UBE2O: variants seen among roughly 807,000 people sequenced by gnomAD.
UBE2O encodes ubiquitin conjugating enzyme E2 O.
UBE2O carries 15 observed loss-of-function variants against 125.8 expected under a neutral mutation model. That is an observed-to-expected ratio of 0.12 (90% CI 0.08 to 0.18). The LOEUF (loss-of-function observed/expected upper bound fraction) is 0.18, where lower values mean the gene tolerates loss of function less well. Among genes scored for constraint, UBE2O ranks in the 10% least tolerant of loss-of-function variants. The pLI is 1.00. For synonymous variants in UBE2O, 708 were observed against 703.2 expected, an observed-to-expected ratio of 1.01 and a Z score of -0.11; for missense variants, 1,280 against 1,723.6, an observed-to-expected ratio of 0.74 and a Z score of 4.56.
At position 76,452,445 on chromosome 17, in the gene UBE2O, T is replaced by C. The variant is rs1297821775; in HGVS notation, c.417+280A>G. On this transcript the variant is annotated intron_variant, in intron 1 of 17. Transcript: ENST00000319380. The surrounding 1 kb of genome is among the most constrained non-coding windows in gnomAD (Gnocchi z 4.4). ...ACGGGAGTCGGTCCACGTCTCTAAA[T>C]CTCGAGGCCGACACCACAGCATAAC... Among the ~76,000 whole-genome samples the C allele has an allele frequency of 6.6e-6, 1 of 151,970 alleles. No homozygotes were observed. Among genetic ancestry groups the C allele is most frequent in the East Asian group, 1.9e-4 (1 of 5,168 alleles).
At chr17:76,418,641 C>T (rs2072655454) in intron 1 of UBE2O, among the ~76,000 whole-genome samples, 1 of 151,144 alleles carries the variant, frequency 6.6e-6, no homozygotes, top group African/African-American at 2.4e-5. Context: ...GCGATCTCGG[C>T]TCACTGCAAG....
At chr17:76,445,243 A>G (rs866357979) in intron 1 of UBE2O, among the ~76,000 whole-genome samples, 3 of 151,092 alleles carry the variant, frequency 2.0e-5, no homozygotes, top group African/African-American at 7.3e-5. Flanking sequence ...TTTTCCAAGC[A>G]TGACTCAGTG....
At position 76,405,590 on chromosome 17, in the gene UBE2O, G is replaced by A. The variant is rs761502532; in HGVS notation, c.418-18C>T. 1.3e-6 allele frequency: 2 copies of A among 1,579,908 alleles called. No homozygotes were observed. Among genetic ancestry groups the A allele is most frequent in the South Asian group, 2.3e-5 (2 of 86,066 alleles). On this transcript the variant is annotated intron_variant, in intron 1 of 17. Coordinates refer to ENST00000319380, the MANE Select transcript of UBE2O (RefSeq NM_022066.4). The surrounding 1 kb of genome is among the most constrained non-coding windows in gnomAD (Gnocchi z 6.1). Reference sequence around the variant, plus strand: ...AGTTTCAGCTGTAAAAGAAAATACAGGTGTGAGAGAATGGACTCTGAAGCC... The same window carrying A: ...AGTTTCAGCTGTAAAAGAAAATACAAGTGTGAGAGAATGGACTCTGAAGCC...
At chr17:76,429,044 G>A (rs889147604) in intron 1 of UBE2O, among the ~76,000 whole-genome samples, 2 of 151,744 alleles carry the variant, frequency 1.3e-5, no homozygotes, top group African/African-American at 2.4e-5. Flanking sequence ...TGGGATTACG[G>A]GCGCATGCCA....
chr17:76,405,162 C>G lies in UBE2O; in HGVS notation c.588+44G>C. 1 of 1,465,118 alleles carries G rather than the reference C, an allele frequency of 6.8e-7. No homozygotes were observed. Among genetic ancestry groups the G allele is most frequent in the Non-Finnish European group, 9.4e-7 (1 of 1,063,050 alleles). The allele number at this position is 1,465,118 out of a possible 1,614,324, so 90.8% of individuals were successfully genotyped here. A position where few individuals can be genotyped will look rare whatever the true frequency, so the allele number is the denominator to read the frequency against. ...CCCAGAGGTCGTGCCGCCGAGAGAA[C>G]CAGAGGGCCCAGAAAGGATGATGAG... On this transcript the variant is annotated intron_variant, in intron 3 of 17. Transcript: ENST00000319380. The surrounding 1 kb of genome is among the most constrained non-coding windows in gnomAD (Gnocchi z 6.1).
intron 1 of UBE2O, among the ~76,000 whole-genome samples, chr17:76,419,719 G>A (rs1411420174): frequency 6.6e-6 from 1 of 152,224 alleles, no homozygotes; most frequent in African/African-American, 2.4e-5. Context: ...CCGCCAGCAC[G>A]CATCCTTGGG....
chr17:76,439,413 A>ACCC (rs1273954825), intron 1 of UBE2O, among the ~76,000 whole-genome samples: 4 of 152,054 alleles, frequency 2.6e-5, no homozygotes, highest in African/African-American at 7.3e-5. Flanking sequence ...AAAGTCAAAA[A>ACCC]TTTTCTATAA....
rs79228337 is a variant in UBE2O at position 76,436,460 on chromosome 17, T to C, written c.417+16265A>G. On this transcript the variant is annotated intron_variant, in intron 1 of 17. Transcript: ENST00000319380. Reference sequence around the variant, plus strand: ...TATAAATCTAAGGCAAATAAGAGGATGACTCCAGCAATTTTTCTTCGGTGC... The same window carrying C: ...TATAAATCTAAGGCAAATAAGAGGACGACTCCAGCAATTTTTCTTCGGTGC... Among the ~76,000 whole-genome samples, 971 of 152,240 alleles carry C rather than the reference T, an allele frequency of 6.4e-3. 7 individuals carry two copies. The highest frequency in any genetic ancestry group is 0.022 in the African/African-American group (927 of 41,520).
chr17:76,390,800 C>T lies in UBE2O; in HGVS notation c.*143G>A. ...TCTCAACACACTTCTTGCACTTCAGCATCAAACTCACCTTGGGGAGAAGAG... is the reference window on the plus strand; with the variant it reads ...TCTCAACACACTTCTTGCACTTCAGTATCAAACTCACCTTGGGGAGAAGAG... On this transcript the variant is annotated 3_prime_UTR_variant, in exon 18 of 18. Transcript: ENST00000319380. The T allele has an allele frequency of 1.3e-6, 1 of 797,270 alleles. No homozygotes were observed. Among genetic ancestry groups the T allele is most frequent in the Admixed American group, 2.9e-5 (1 of 34,298 alleles). 49.4% of individuals were successfully genotyped at this position (797,270 alleles called of 1,614,324 possible).
At chr17:76,407,153 G>T (rs2072437800) in intron 1 of UBE2O, among the ~76,000 whole-genome samples, 1 of 152,202 alleles carries the variant, frequency 6.6e-6, no homozygotes, top group Admixed American at 6.5e-5. Flanking sequence ...CAAGGCAGCG[G>T]ACCGCAGGTG....
Position 76,398,968 on chromosome 17 carries a change from G to A in UBE2O, c.1652C>T (p.Thr551Met), listed in dbSNP as rs564785435. Residue 551 changes from threonine to methionine, a missense_variant, in exon 10 of 18, where the codon ACG (threonine) becomes ATG (methionine). Thr to Met is a moderately conservative substitution (Grantham distance 81). Around this residue, in one of 10 missense-constraint regions of UBE2O, gnomAD observed 145 missense variants for 219.6 expected, o/e 0.66. Transcript: ENST00000319380. The surrounding 1 kb of genome is among the most constrained non-coding windows in gnomAD (Gnocchi z 5.4). ...CCACATCACGTCGGCTGAGGTCATC[G>A]TGGTCACCACCTCCACTGCCACCCT... ...GDRVAVEVVT[T>M]MTSADVMWQD... The A allele has an allele frequency of 6.8e-6, 11 of 1,613,996 alleles. No homozygotes were observed. Among genetic ancestry groups the A allele is most frequent in the African/African-American group, 4.0e-5 (3 of 75,036 alleles).
intron 1 of UBE2O, among the ~76,000 whole-genome samples, chr17:76,446,079 T>C (rs1471151437): frequency 6.6e-6 from 1 of 152,250 alleles, no homozygotes; most frequent in Non-Finnish European, 1.5e-5. Flanking sequence ...TGATTGTAAC[T>C]TGCCCCTTTT....
At chr17:76,438,735 A>G (rs567009) in intron 1 of UBE2O, among the ~76,000 whole-genome samples, 52,834 of 152,008 alleles carry the variant, frequency 0.35, 10,833 homozygotes, top group African/African-American at 0.57. Flanking sequence ...AGTAAGACCA[A>G]CATAACCAGT....
At position 76,391,606 on chromosome 17, in the gene UBE2O, G is replaced by A. The variant is rs2072115752; in HGVS notation, c.3216C>T (p.Ile1072=). The change falls in exon 18 of 18, where the codon ATC becomes ATT. Residue 1072 remains isoleucine (I), a synonymous_variant. Transcript: ENST00000319380. This position sits in a 1 kb window ranked among gnomAD's most constrained non-coding sequence, Gnocchi z 8.4. ...LQVLISIQGL[I]LVNEPYYNEA... ...CGTTGTAGTATGGTTCATTTACCAG[G>A]ATCAGACCTGTGTGGGCGGGACACC... The A allele has an allele frequency of 6.2e-7, 1 of 1,611,856 alleles. No homozygotes were observed. The highest frequency in any genetic ancestry group is 1.3e-5 in the African/African-American group (1 of 75,010).
chr17:76,393,458 C>T lies in UBE2O; in HGVS notation c.2947-1345G>A, dbSNP rs1010887770. On this transcript the variant is annotated intron_variant, in intron 15 of 17. Coordinates refer to ENST00000319380, the MANE Select transcript of UBE2O (RefSeq NM_022066.4). ...CCATGTTGGTCAGGCTGGTCTCGAA[C>T]TCCTGACCTTGTGATCCGCCCACCT... Among the ~76,000 whole-genome samples, 41 of 151,976 alleles carry T rather than the reference C, an allele frequency of 2.7e-4. No homozygotes were observed. The East Asian group carries it at 6.5e-3, about 24-fold the overall frequency.
chr17:76,412,751 T>C (rs1298599140), intron 1 of UBE2O, among the ~76,000 whole-genome samples: 2 of 152,228 alleles, frequency 1.3e-5, no homozygotes, highest in Admixed American at 6.5e-5. Context: ...GGCTCAAGCC[T>C]GTAATCCCAG....
intron 1 of UBE2O, among the ~76,000 whole-genome samples, chr17:76,428,330 C>T (rs1487311278): frequency 6.6e-6 from 1 of 152,170 alleles, no homozygotes; most frequent in East Asian, 1.9e-4. Flanking sequence ...ATTCTTGTTT[C>T]TCTGATACAT....
intron 15 of UBE2O, among the ~76,000 whole-genome samples, chr17:76,394,410 A>G (rs758053854): frequency 3.3e-5 from 5 of 152,316 alleles, no homozygotes; most frequent in Non-Finnish European, 7.3e-5. Context: ...ACTCAGAGAC[A>G]CTAGGCCCCG....
At chr17:76,411,508 G>A (rs1292445453) in intron 1 of UBE2O, among the ~76,000 whole-genome samples, 1 of 152,188 alleles carries the variant, frequency 6.6e-6, no homozygotes, top group Non-Finnish European at 1.5e-5. Flanking sequence ...GCAGGGGCCT[G>A]CATGGAGCCT....
Sources: allele counts gnomAD v4.1 joint callset (sites outside exome capture counted in the v4.1 genomes callset), GRCh38; gene constraint gnomAD v4.1.1; regional missense constraint gnomAD v4.1.1; non-coding constraint Gnocchi (gnomAD v3.1); transcripts MANE v1.5; gene names NCBI Gene and HGNC (gene_info 2026-07-23, HGNC 2026-07-21).